DPP6: variants seen among roughly 807,000 people sequenced by gnomAD.
DPP6 encodes dipeptidyl peptidase like 6.
A neutral mutation model predicts 122.6 loss-of-function variants in DPP6; 69 were observed. The ratio of observed to expected loss-of-function variants is 0.56; its 90% CI spans 0.46 to 0.69. DPP6 has a LOEUF of 0.69. Ranked by LOEUF, DPP6 falls within the 30% of genes least tolerant of loss-of-function variation. DPP6 has a pLI of 0.00. For missense variants in DPP6, 928 were observed against 1,116.9 expected (o/e 0.83, Z 2.41); for synonymous variants, 418 against 433.1 (o/e 0.97, Z 0.43).
the DPP6 span, among the ~76,000 whole-genome samples, chr7:153,812,040 C>T: frequency 6.6e-6 from 1 of 152,164 alleles, no homozygotes; most frequent in African/African-American, 2.4e-5. Flanking sequence ...CCCGGATCCA[C>T]ACACCTTGAC....
intron 1 of DPP6, among the ~76,000 whole-genome samples, chr7:154,203,717 G>A (rs1290674426): frequency 2.0e-5 from 3 of 152,196 alleles, no homozygotes; most frequent in Admixed American, 1.3e-4. Flanking sequence ...CCTGGAAAGA[G>A]GCCTCTCTCT....
intron 1 of DPP6, among the ~76,000 whole-genome samples, chr7:154,369,070 T>C (rs1387763797): frequency 6.6e-6 from 1 of 152,082 alleles, no homozygotes; most frequent in Non-Finnish European, 1.5e-5. Context: ...CTAATCATGA[T>C]GGGTGTTTCT....
chr7:153,959,647 A>C (rs1328335076), intron 1 of DPP6, among the ~76,000 whole-genome samples: 2 of 152,244 alleles, frequency 1.3e-5, no homozygotes, highest in African/African-American at 4.8e-5. Context: ...ATAGAATTGA[A>C]TTGAAGAGAG....
intron 1 of DPP6, among the ~76,000 whole-genome samples, chr7:154,360,486 G>A (rs1036068229): frequency 1.3e-5 from 2 of 152,186 alleles, no homozygotes; most frequent in African/African-American, 4.8e-5. Context: ...AAATTCTCAG[G>A]ACATGAAAAC....
At position 154,063,081 on chromosome 7, in the gene DPP6, C is replaced by T. The variant is rs1238176080; in HGVS notation, c.243+10018C>T. On this transcript the variant is annotated intron_variant, in intron 1 of 25. Transcript: ENST00000377770. ...GAGAGTGGGGACTGAGAGCTATCCCCTCTTCCGCCCCTGGCTGTTAGTACC... is the reference window on the plus strand; with the variant it reads ...GAGAGTGGGGACTGAGAGCTATCCCTTCTTCCGCCCCTGGCTGTTAGTACC... Among the ~76,000 whole-genome samples, 16 of 130,264 alleles carry T rather than the reference C, an allele frequency of 1.2e-4. 1 individual carries two copies. The highest frequency in any genetic ancestry group is 1.9e-4 in the Non-Finnish European group (11 of 59,262). The allele number at this position is 130,264 out of a possible 152,430, so 85.5% of individuals were successfully genotyped here.
At chr7:154,378,956 C>T (rs1357665649) in intron 1 of DPP6, among the ~76,000 whole-genome samples, 1 of 152,158 alleles carries the variant, frequency 6.6e-6, no homozygotes, top group East Asian at 1.9e-4. Flanking sequence ...TTCCATGATC[C>T]AATCACCTCC....
chr7:154,791,167 G>A (rs971363479), intron 10 of DPP6, among the ~76,000 whole-genome samples: 11 of 152,106 alleles, frequency 7.2e-5, no homozygotes, highest in South Asian at 2.1e-4. Context: ...CATGAGAATC[G>A]CTTGAACCTG....
chr7:153,812,994 C>A, the DPP6 span, among the ~76,000 whole-genome samples: 15 of 152,042 alleles, frequency 9.9e-5, 1 homozygote, highest in African/African-American at 3.6e-4. Flanking sequence ...TGGAATCCTG[C>A]ATCAGAGTGC....
In DPP6 at chr7:154,546,881, A is replaced by T. The variant is rs71534134; in HGVS notation, c.552+6255A>T. 1.7e-4 allele frequency among the ~76,000 whole-genome samples: 26 copies of T among 152,352 alleles called. No individual in the cohort carries two copies. In the South Asian group the frequency reaches 5.4e-3, roughly 32 times the overall value. On this transcript the variant is annotated intron_variant, in intron 4 of 25. Transcript: ENST00000377770. Reference sequence around the variant, plus strand: ...CTTCTTCAAATAAACTCCACTGGATACTTGACCCCTGCATCAGTAATTCTC... The same window carrying T: ...CTTCTTCAAATAAACTCCACTGGATTCTTGACCCCTGCATCAGTAATTCTC...
At chr7:154,175,640 G>A (rs769197090) in intron 1 of DPP6, among the ~76,000 whole-genome samples, 10 of 151,810 alleles carry the variant, frequency 6.6e-5, no homozygotes, top group African/African-American at 2.2e-4. Flanking sequence ...TGTTTTGGCC[G>A]CAACAGAGCA....
At chr7:154,829,014 C>G (rs865953866) in intron 16 of DPP6, among the ~76,000 whole-genome samples, 12 of 152,150 alleles carry the variant, frequency 7.9e-5, no homozygotes, top group Non-Finnish European at 1.3e-4. Flanking sequence ...TTTTGAAATG[C>G]CTAATTATAA....
At chr7:154,167,116 G>A (rs1437035009) in intron 1 of DPP6, among the ~76,000 whole-genome samples, 2 of 151,436 alleles carry the variant, frequency 1.3e-5, no homozygotes, top group East Asian at 1.9e-4. Context: ...AAACACCAGC[G>A]AACAGACCAT....
chr7:154,471,025 C>T (rs1277745143), intron 2 of DPP6, among the ~76,000 whole-genome samples: 1 of 151,960 alleles, frequency 6.6e-6, no homozygotes, highest in Non-Finnish European at 1.5e-5. Context: ...CTGAGGTGGG[C>T]GGATCACCTG....
intron 1 of DPP6, among the ~76,000 whole-genome samples, chr7:153,957,575 G>A (rs1024962313): frequency 7.9e-5 from 12 of 152,190 alleles, no homozygotes; most frequent in African/African-American, 2.9e-4. Context: ...GGGCGAGAAG[G>A]AGGCCTGGGC....
chr7:154,872,045 C>T (rs1432464517), intron 18 of DPP6, among the ~76,000 whole-genome samples: 2 of 152,170 alleles, frequency 1.3e-5, no homozygotes, highest in Non-Finnish European at 2.9e-5. Flanking sequence ...TCCCTGGCTT[C>T]CCCTAGCTGT....
intron 1 of DPP6, among the ~76,000 whole-genome samples, chr7:153,929,798 T>C (rs1801090727): frequency 6.6e-6 from 1 of 152,232 alleles, no homozygotes; most frequent in Admixed American, 6.5e-5. Flanking sequence ...ATTTATTTGA[T>C]TGTCAGACAG....
chr7:154,804,696 A>C (rs1336337250), intron 14 of DPP6, among the ~76,000 whole-genome samples: 1 of 152,186 alleles, frequency 6.6e-6, no homozygotes, highest in Non-Finnish European at 1.5e-5. Flanking sequence ...TGCAGGGGGC[A>C]CCCGGAGCCA....
chr7:154,091,278 G>T (rs1328793706), intron 1 of DPP6, among the ~76,000 whole-genome samples: 1 of 152,142 alleles, frequency 6.6e-6, no homozygotes, highest in African/African-American at 2.4e-5. Context: ...CGCCTCCCCT[G>T]CTTAGAAACC....
In DPP6 at chr7:153,983,783, C is replaced by T. The variant is rs556545287; in HGVS notation, c.51+96049C>T. Among the ~76,000 whole-genome samples the T allele has an allele frequency of 3.9e-5, 6 of 152,180 alleles. No homozygotes were observed. The East Asian group carries it at 5.8e-4, about 15-fold the overall frequency. ...CTCACGGCACAGTCCCTCATGGCTTCCCTTGGCCAGGGGAGGGAGTTCCGT... is the reference window on the plus strand; with the variant it reads ...CTCACGGCACAGTCCCTCATGGCTTTCCTTGGCCAGGGGAGGGAGTTCCGT... On this transcript the variant is annotated intron_variant, in intron 1 of 25. Transcript: ENST00000404039.
Sources: allele counts gnomAD v4.1 joint callset (sites outside exome capture counted in the v4.1 genomes callset), GRCh38; gene constraint gnomAD v4.1.1; transcripts MANE v1.5; gene names NCBI Gene and HGNC (gene_info 2026-07-23, HGNC 2026-07-21).